Variants in PLEKHG2 observed in about 807,000 individuals in gnomAD.
PLEKHG2 encodes the protein pleckstrin homology and RhoGEF domain containing G2.
Under a neutral mutation model 104.4 loss-of-function variants are expected in PLEKHG2, and 71 were observed. The observed-to-expected ratio is 0.68, with a 90% CI of 0.56 to 0.83. The LOEUF (loss-of-function observed/expected upper bound fraction) is 0.83, where lower values mean the gene tolerates loss of function less well. Among genes scored for constraint, PLEKHG2 ranks in the 40% least tolerant of loss-of-function variants. The pLI is 0.00. For missense variants in PLEKHG2, 1,730 were observed against 1,809.4 expected (o/e 0.96, Z 0.80); for synonymous variants, 728 against 737.0 (o/e 0.99, Z 0.20).
Position 39,428,365 on chromosome 19 carries a change from TTGCCAGCACAGGGCCTGGCTCAATAAA to T in PLEKHG2, c.*3073_*3099del, listed in dbSNP as rs1192732802. The T allele has an allele frequency of 6.6e-6, 1 of 152,254 alleles. No homozygotes were observed. The highest frequency in any genetic ancestry group is 1.5e-5 in the Non-Finnish European group (1 of 68,052). The allele number at this position is 152,254 out of a possible 1,614,324, so 9.4% of individuals were successfully genotyped here. On this transcript the variant is annotated 3_prime_UTR_variant, in exon 19 of 19. Coordinates refer to ENST00000425673, the MANE Select transcript of PLEKHG2 (RefSeq NM_022835.3). ...GATTCTGATAATTAGCTGAGCACAGTTGCCAGCACAGGGCCTGGCTCAATAAATATTAGCTGCTGGCTTCTGCTCACT... is the reference window on the plus strand; with the variant it reads ...GATTCTGATAATTAGCTGAGCACAGTTATTAGCTGCTGGCTTCTGCTCACT...
chr19:39,422,824 C>G lies in PLEKHG2; in HGVS notation c.1770C>G (p.Asp590Glu), dbSNP rs1216449473. ...CATTCCAAGCCCTGCCCAGCCGGGA[C>G]TCTTCAGAAGAGGAGGAGGAGGAAG... ...TLTFQALPSRDSSEEEEEEEE... is the reference protein window; with the variant it reads ...TLTFQALPSRESSEEEEEEEE... The change falls in exon 18 of 19, where the codon GAC becomes GAG. Residue 590 changes from aspartate to glutamate, a missense_variant. Transcript: ENST00000425673. 1.3e-6 allele frequency: 2 copies of G among 1,553,536 alleles called. No homozygotes were observed. Among genetic ancestry groups the G allele is most frequent in the South Asian group, 2.5e-5 (2 of 80,260 alleles).
chr19:39,417,907 A>C lies in PLEKHG2; in HGVS notation c.885A>C (p.Glu295Asp). 1 of 1,540,032 alleles carries C rather than the reference A, an allele frequency of 6.5e-7. No individual in the cohort carries two copies. The highest frequency in any genetic ancestry group is 8.7e-7 in the Non-Finnish European group (1 of 1,144,950). ...RKQEHAARLQEVQRRLGGWTG... is the reference protein window; with the variant it reads ...RKQEHAARLQDVQRRLGGWTG... ...CGCACCTGGCGGGGTCCCGGCAGGAAGTGCAGCGGCGGCTGGGTGGCTGGA... is the reference window on the plus strand; with the variant it reads ...CGCACCTGGCGGGGTCCCGGCAGGACGTGCAGCGGCGGCTGGGTGGCTGGA... The change falls in exon 9 of 19, where the codon GAA becomes GAC. Residue 295 changes from glutamate to aspartate, a missense_variant and splice_region_variant. Coordinates refer to ENST00000425673, the MANE Select transcript of PLEKHG2 (RefSeq NM_022835.3).
chr19:39,417,460 CT>C, intron 7 of PLEKHG2, 94 bp from the exon 8 acceptor site: 5 of 1,480,080 alleles, frequency 3.4e-6, no homozygotes, highest in South Asian at 1.3e-5. Flanking sequence ...GCCTCTGCCC[CT>C]ATCTTTATAT....
In PLEKHG2 at chr19:39,416,029, G is replaced by A. The variant is rs765071362; in HGVS notation, c.480-319G>A. Reference sequence around the variant, plus strand: ...TCATGACATTTCCAAGTACCTTGACGAGGTCTCGGGATTACAGCAGGAACT... The same window carrying A: ...TCATGACATTTCCAAGTACCTTGACAAGGTCTCGGGATTACAGCAGGAACT... On this transcript the variant is annotated intron_variant, in intron 4 of 18. Transcript: ENST00000425673. The surrounding 1 kb of genome is among the most constrained non-coding windows in gnomAD (Gnocchi z 4.5). Among the ~76,000 whole-genome samples the A allele has an allele frequency of 2.6e-5, 4 of 152,086 alleles. No individual in the cohort carries two copies. Among genetic ancestry groups the A allele is most frequent in the Admixed American group, 6.5e-5 (1 of 15,272 alleles).
chr19:39,419,024 G>A (rs775427339), intron 11 of PLEKHG2, 21 bp downstream of exon 11: 39 of 1,592,600 alleles, frequency 2.4e-5, no homozygotes, highest in Middle Eastern at 1.7e-4. Context: ...TGCCGCAGCC[G>A]GGGGCCCTCT....
At position 39,425,265 on chromosome 19, in the gene PLEKHG2, G is replaced by A. The variant is rs1359722352; in HGVS notation, c.4132G>A (p.Gly1378Arg). Residue 1378 changes from glycine to arginine, a missense_variant, in exon 19 of 19, where the codon GGG (glycine) becomes AGG (arginine). Transcript: ENST00000425673. ...ATCTATGGGCCTTCACAGGGCCCAG[G>A]GGGCTCCTGATGCCCCCTTCCACAT... ...QESMGLHRAQGAPDAPFHM is the reference protein window; with the variant it reads ...QESMGLHRAQRAPDAPFHM 2 of 1,612,882 alleles carry A rather than the reference G, an allele frequency of 1.2e-6. No homozygotes were observed. Among genetic ancestry groups the A allele is most frequent in the South Asian group, 1.1e-5 (1 of 90,994 alleles).
chr19:39,423,063 G>A lies in PLEKHG2; in HGVS notation c.2009G>A (p.Cys670Tyr), dbSNP rs780787399. The A allele has an allele frequency of 6.8e-6, 11 of 1,614,124 alleles. No homozygotes were observed. The highest frequency in any genetic ancestry group is 9.3e-6 in the Non-Finnish European group (11 of 1,180,018). Residue 670 changes from cysteine (C) to tyrosine (Y), a missense_variant, in exon 18 of 19, where the codon TGC becomes TAC. Physicochemically the swap from Cys to Tyr is radical, Grantham distance 194. Coordinates refer to ENST00000425673, the MANE Select transcript of PLEKHG2 (RefSeq NM_022835.3). ...SDISDVFEMP[C>Y]LPAIPSVPNT... ...ATTTCCGATGTTTTTGAGATGCCCT[G>A]CCTTCCAGCCATACCTAGTGTCCCC...
At position 39,424,861 on chromosome 19, in the gene PLEKHG2, C is replaced by G. The variant is rs1269712726; in HGVS notation, c.3728C>G (p.Ser1243Cys). 6.2e-7 allele frequency: 1 copy of G among 1,614,236 alleles called. No homozygotes were observed. Among genetic ancestry groups the G allele is most frequent in the Admixed American group, 1.7e-5 (1 of 60,026 alleles). The change falls in exon 19 of 19, where the codon TCC becomes TGC. Residue 1243 changes from serine (S) to cysteine (C), a missense_variant. Coordinates refer to ENST00000425673, the MANE Select transcript of PLEKHG2 (RefSeq NM_022835.3). Reference sequence around the variant, plus strand: ...ATGGTTTTGTCCAAACCAGGAGGCTCCTTAGCCTCTCACGTTGCCAGGTTG... The same window carrying G: ...ATGGTTTTGTCCAAACCAGGAGGCTGCTTAGCCTCTCACGTTGCCAGGTTG... ...TTMVLSKPGG[S>C]LASHVARLES...
chr19:39,421,979 T>C (rs2078705137), intron 16 of PLEKHG2, 136 bp from the exon 17 acceptor site: 1 of 883,824 alleles, frequency 1.1e-6, no homozygotes, highest in Non-Finnish European at 1.6e-6. Context: ...ATGGCGCCAT[T>C]GCACTGCAGG....
chr19:39,416,899 T>A lies in PLEKHG2; in HGVS notation c.643T>A (p.Trp215Arg). Residue 215 changes from tryptophan to arginine, a missense_variant, in exon 7 of 19, where the codon TGG (tryptophan) becomes AGG (arginine). Coordinates refer to ENST00000425673, the MANE Select transcript of PLEKHG2 (RefSeq NM_022835.3). The surrounding 1 kb of genome is among the most constrained non-coding windows in gnomAD (Gnocchi z 4.5). ...ELSLSPPAALWLQERQAQLRH... is the reference protein window; with the variant it reads ...ELSLSPPAALRLQERQAQLRH... ...GTCGTTGTCTCCGCCAGCAGCCCTG[T>A]GGCTGCAGGAGCGCCAGGCCCAGCT... The A allele has an allele frequency of 6.2e-7, 1 of 1,612,956 alleles. No homozygotes were observed. The highest frequency in any genetic ancestry group is 8.5e-7 in the Non-Finnish European group (1 of 1,179,846).
chr19:39,416,250 C>A lies in PLEKHG2; in HGVS notation c.480-98C>A. The A allele has an allele frequency of 8.1e-7, 1 of 1,237,268 alleles. No homozygotes were observed. Among genetic ancestry groups the A allele is most frequent in the South Asian group, 1.3e-5 (1 of 78,536 alleles). The allele number at this position is 1,237,268 out of a possible 1,614,324, so 76.6% of individuals were successfully genotyped here. A position where few individuals can be genotyped will look rare whatever the true frequency, so the allele number is the denominator to read the frequency against. Reference sequence around the variant, plus strand: ...GGAGATGCTGGCAGTCAGCAAGCCCCCAGCCCCAGCAGACCATTGGGGCCT... The same window carrying A: ...GGAGATGCTGGCAGTCAGCAAGCCCACAGCCCCAGCAGACCATTGGGGCCT... On this transcript the variant is annotated intron_variant, in intron 4 of 18. Coordinates refer to ENST00000425673, the MANE Select transcript of PLEKHG2 (RefSeq NM_022835.3). This position sits in a 1 kb window ranked among gnomAD's most constrained non-coding sequence, Gnocchi z 4.5.
At chr19:39,420,117 C>T (rs2078675080) in intron 11 of PLEKHG2, among the ~76,000 whole-genome samples, 2 of 151,284 alleles carry the variant, frequency 1.3e-5, no homozygotes, top group South Asian at 4.2e-4. Context: ...CCCAGCACTT[C>T]GGGAGGCCAA....
rs764884636 is a variant in PLEKHG2, at chr19:39,421,267, A to T, written c.1487-16A>T. The T allele has an allele frequency of 3.1e-6, 5 of 1,613,472 alleles. No individual in the cohort carries two copies. The Admixed American group carries it at 8.3e-5, about 27-fold the overall frequency. ...TCTCACTAATGCTTCTCTCTCTCTC[A>T]TCTCTCCATCCTTAGCTAAGCCTGG... On this transcript the variant is annotated splice_polypyrimidine_tract_variant and intron_variant, in intron 15 of 18. Transcript: ENST00000425673.
chr19:39,423,551 C>T lies in PLEKHG2; in HGVS notation c.2497C>T (p.Arg833Trp), dbSNP rs545483432. Residue 833 changes from arginine to tryptophan, a missense_variant, in exon 18 of 19, where the codon CGG becomes TGG. Coordinates refer to ENST00000425673, the MANE Select transcript of PLEKHG2 (RefSeq NM_022835.3). ...CAGCGAGCGGATCCAGCAGATGCAG[C>T]GGGCGGAGACTCGGGCATCAGCCAA... ...LYSERIQQMQ[R>W]AETRASANAP... 1.9e-5 allele frequency: 29 copies of T among 1,542,762 alleles called. No individual in the cohort carries two copies. The South Asian group carries it at 2.3e-4, about 12-fold the overall frequency.
Position 39,413,858 on chromosome 19 carries a change from TTCTTTG to T in PLEKHG2, c.-22-203_-22-198del. On this transcript the variant is annotated intron_variant, in intron 1 of 18. Coordinates refer to ENST00000425673, the MANE Select transcript of PLEKHG2 (RefSeq NM_022835.3). This position sits in a 1 kb window ranked among gnomAD's most constrained non-coding sequence, Gnocchi z 4.5. Reference sequence around the variant, plus strand: ...TCTGCGCCTCCTGCTCCGCTCACTCTTCTTTGTCTCAGCCTTTCCATCTTTTTCGCC... The same window carrying T: ...TCTGCGCCTCCTGCTCCGCTCACTCTTCTCAGCCTTTCCATCTTTTTCGCC... The T allele has an allele frequency of 2.4e-6, 1 of 412,910 alleles. No homozygotes were observed. The highest frequency in any genetic ancestry group is 4.5e-6 in the Non-Finnish European group (1 of 220,726). 25.6% of individuals were successfully genotyped at this position (412,910 alleles called of 1,614,324 possible).
In PLEKHG2 at chr19:39,415,048, A is replaced by G; in HGVS notation, c.166A>G (p.Ser56Gly). Residue 56 changes from serine (S) to glycine (G), a missense_variant, in exon 3 of 19, where the codon AGC becomes GGC. Coordinates refer to ENST00000425673, the MANE Select transcript of PLEKHG2 (RefSeq NM_022835.3). The surrounding 1 kb of genome is among the most constrained non-coding windows in gnomAD (Gnocchi z 4.6). ...AGGTTCTGGGAGCTCCACATCCCTG[A>G]GCACAGTGGGCTCTGAGGGGGATCC... Reference protein sequence around the residue: ...PRGSGSSTSLSTVGSEGDPAP... With the variant: ...PRGSGSSTSLGTVGSEGDPAP... The G allele has an allele frequency of 1.9e-6, 3 of 1,597,830 alleles. No individual in the cohort carries two copies. Among genetic ancestry groups the G allele is most frequent in the Non-Finnish European group, 1.7e-6 (2 of 1,172,636 alleles).
In PLEKHG2 at chr19:39,426,506, T is replaced by G. The variant is rs1178598339; in HGVS notation, c.*1212T>G. 6.6e-6 allele frequency: 1 copy of G among 152,278 alleles called. No individual in the cohort carries two copies. Among genetic ancestry groups the G allele is most frequent in the Admixed American group, 6.5e-5 (1 of 15,290 alleles). The allele number at this position is 152,278 out of a possible 1,614,324, so 9.4% of individuals were successfully genotyped here. ...TCTTTGGTGATGATATTAGCTACTT[T>G]CATCAAATACTTAGCCTCTTGTGCT... On this transcript the variant is annotated 3_prime_UTR_variant, in exon 19 of 19. Coordinates refer to ENST00000425673, the MANE Select transcript of PLEKHG2 (RefSeq NM_022835.3).
Position 39,414,132 on chromosome 19 carries a change from A to G in PLEKHG2, c.46A>G (p.Ser16Gly). The G allele has an allele frequency of 6.4e-7, 1 of 1,551,588 alleles. No individual in the cohort carries two copies. The highest frequency in any genetic ancestry group is 8.7e-7 in the Non-Finnish European group (1 of 1,146,934). Residue 16 changes from serine (S) to glycine (G), a missense_variant, in exon 2 of 19, where the codon AGC becomes GGC. Physicochemically the swap from Ser to Gly is moderately conservative, Grantham distance 56. Transcript: ENST00000425673. ...QGLSLSKPSP[S>G]LGCGRRGEVC... ...ACTGAGCCTCTCCAAACCTAGCCCA[A>G]GCCTCGGGTGTGGCCGAAGAGGTGA...
intron 7 of PLEKHG2, among the ~76,000 whole-genome samples, 176 bp downstream of exon 7, chr19:39,417,176 G>A (rs1250498523): frequency 2.0e-5 from 3 of 150,972 alleles, no homozygotes; most frequent in African/African-American, 7.3e-5. Context: ...CTTTGAGGTG[G>A]AGTTTCACTC....
Sources: gnomAD v4.1 joint callset for allele counts (sites outside exome capture counted in the v4.1 genomes callset) on GRCh38, gnomAD v4.1.1 for gene constraint, Gnocchi (gnomAD v3.1) non-coding constraint, MANE v1.5 for transcripts, NCBI Gene and HGNC (gene_info 2026-07-23, HGNC 2026-07-21) for gene names.